The following NFAT5 variants were observed in gnomAD, a reference collection of about 807,000 sequenced individuals.
NFAT5 encodes the protein nuclear factor of activated T-cells 5.
Under a neutral mutation model 166.5 loss-of-function variants are expected in NFAT5, and 31 were observed. That is an observed-to-expected ratio of 0.19 (90% CI 0.14 to 0.25). NFAT5 has a LOEUF of 0.25. Among genes scored for constraint, NFAT5 ranks in the 10% least tolerant of loss-of-function variants. The pLI is 1.00. For missense variants in NFAT5, 1,449 were observed against 1,821.8 expected (o/e 0.80, Z 3.72); for synonymous variants, 612 against 639.7 (o/e 0.96, Z 0.65).
At chr16:69,569,668 C>T (rs113151958) in intron 2 of NFAT5, among the ~76,000 whole-genome samples, 2,786 of 152,240 alleles carry the variant, frequency 0.018, 92 homozygotes, top group African/African-American at 0.06. Flanking sequence ...ATTTAGTGAG[C>T]TAATGTGTAT....
chr16:69,585,695 G>C (rs1297218124), intron 2 of NFAT5, among the ~76,000 whole-genome samples: 1 of 152,156 alleles, frequency 6.6e-6, no homozygotes, highest in African/African-American at 2.4e-5. Flanking sequence ...AATGACCCTT[G>C]AAAACATACG....
chr16:69,696,652 A>G lies in NFAT5; in HGVS notation c.*301A>G, dbSNP rs3826154. 23,407 of 152,622 alleles carry G rather than the reference A, an allele frequency of 0.15. 1,953 individuals are homozygous for G. Among genetic ancestry groups the G allele is most frequent in the East Asian group, 0.36 (1,886 of 5,180 alleles). 9.5% of individuals were successfully genotyped at this position (152,622 alleles called of 1,614,324 possible). ...TCCTAGGCGCAATTTCCTTAAACGTACAGTTTAAATTCAAGGCTGGACCAC... is the reference window on the plus strand; with the variant it reads ...TCCTAGGCGCAATTTCCTTAAACGTGCAGTTTAAATTCAAGGCTGGACCAC... On this transcript the variant is annotated 3_prime_UTR_variant, in exon 15 of 15. Coordinates refer to ENST00000349945, the MANE Select transcript of NFAT5 (RefSeq NM_138713.4).
chr16:69,587,184 T>C (rs892430160), intron 2 of NFAT5, among the ~76,000 whole-genome samples: 2 of 151,240 alleles, frequency 1.3e-5, no homozygotes, highest in African/African-American at 4.9e-5. Context: ...CAGGTTCAAT[T>C]GATTCTTCTG....
At chr16:69,673,712 C>A (rs1240715041) in intron 9 of NFAT5, among the ~76,000 whole-genome samples, 1 of 151,602 alleles carries the variant, frequency 6.6e-6, no homozygotes, top group African/African-American at 2.4e-5. Context: ...GACAGTGAGA[C>A]CCTGTCTCAA....
In NFAT5 at chr16:69,566,272, T is replaced by G; in HGVS notation, c.-30T>G. ...GCCACCGCCGCTCCCCCCCTCCCGC[T>G]GCCCTCGGGCCGGGCTGGGTCGAGC... On this transcript the variant is annotated 5_prime_UTR_variant, in exon 1 of 15. Coordinates refer to ENST00000349945, the MANE Select transcript of NFAT5 (RefSeq NM_138713.4). The surrounding 1 kb of genome is among the most constrained non-coding windows in gnomAD (Gnocchi z 5.7). 1 of 1,586,940 alleles carries G rather than the reference T, an allele frequency of 6.3e-7. No individual in the cohort carries two copies. Among genetic ancestry groups the G allele is most frequent in the Non-Finnish European group, 8.6e-7 (1 of 1,168,862 alleles).
At chr16:69,667,570 T>G (rs2036451260) in intron 7 of NFAT5, among the ~76,000 whole-genome samples, 1 of 151,998 alleles carries the variant, frequency 6.6e-6, no homozygotes, top group Non-Finnish European at 1.5e-5. Context: ...GATAAATATA[T>G]TCTAAACCTT....
chr16:69,645,626 T>A (rs1213822079), intron 3 of NFAT5, among the ~76,000 whole-genome samples: 5 of 152,206 alleles, frequency 3.3e-5, no homozygotes, highest in Non-Finnish European at 7.4e-5. Context: ...CTCTTTATAT[T>A]ATAATTGATG....
In NFAT5 at chr16:69,577,156, A is replaced by G. The variant is rs537870507; in HGVS notation, c.127+8608A>G. ...TGTATCCGTTTTCTCACGGTAGTCT[A>G]TACATTTTGTTGTTCTGCTATGGCA... On this transcript the variant is annotated intron_variant, in intron 2 of 14. Coordinates refer to ENST00000349945, the MANE Select transcript of NFAT5 (RefSeq NM_138713.4). Among the ~76,000 whole-genome samples the G allele has an allele frequency of 1.2e-4, 19 of 152,184 alleles. No homozygotes were observed. In the South Asian group the frequency reaches 3.9e-3, roughly 32 times the overall value.
chr16:69,606,208 A>G (rs2033400088), intron 2 of NFAT5, among the ~76,000 whole-genome samples: 1 of 152,012 alleles, frequency 6.6e-6, no homozygotes, highest in South Asian at 2.1e-4. Context: ...TTCAGGAAAG[A>G]CTCATTTTCC....
intron 2 of NFAT5, among the ~76,000 whole-genome samples, chr16:69,577,779 T>A (rs889264337): frequency 1.3e-5 from 2 of 152,152 alleles, no homozygotes; most frequent in Non-Finnish European, 2.9e-5. Flanking sequence ...TTTCTATACT[T>A]CTATAAAGGA....
At chr16:69,623,985 A>G (rs1010071585) in intron 2 of NFAT5, among the ~76,000 whole-genome samples, 8 of 152,038 alleles carry the variant, frequency 5.3e-5, no homozygotes, top group African/African-American at 1.9e-4. Flanking sequence ...TCTTGACCTC[A>G]GGTGATCCAC....
chr16:69,596,022 TAA>T (rs1278701168), intron 2 of NFAT5, among the ~76,000 whole-genome samples: 3 of 152,206 alleles, frequency 2.0e-5, no homozygotes, highest in Admixed American at 6.5e-5. Context: ...TTAAAATATA[TAA>T]GTTATTTAAA....
At chr16:69,598,881 G>A (rs956565057) in intron 2 of NFAT5, among the ~76,000 whole-genome samples, 2 of 151,938 alleles carry the variant, frequency 1.3e-5, no homozygotes, top group African/African-American at 2.4e-5. Context: ...GGGCGCGATG[G>A]TGCGTGCCTG....
chr16:69,615,439 G>A (rs1010520007), intron 2 of NFAT5, among the ~76,000 whole-genome samples: 2 of 152,000 alleles, frequency 1.3e-5, no homozygotes, highest in Non-Finnish European at 2.9e-5. Flanking sequence ...CTTGTATTTT[G>A]CCTGTCCCAG....
chr16:69,649,473 G>A, intron 4 of NFAT5: 1 of 984,368 alleles, frequency 1.0e-6, no homozygotes, highest in Non-Finnish European at 1.2e-6. Flanking sequence ...GTTACCCAGG[G>A]AAAGTATAAT....
intron 4 of NFAT5, among the ~76,000 whole-genome samples, chr16:69,650,960 A>G (rs1186127906): frequency 6.6e-6 from 1 of 152,240 alleles, no homozygotes; most frequent in East Asian, 1.9e-4. Context: ...AATGATGAAA[A>G]GAAAAACAGG....
chr16:69,571,594 A>G (rs1567508293), intron 2 of NFAT5, among the ~76,000 whole-genome samples: 2 of 152,096 alleles, frequency 1.3e-5, no homozygotes, highest in Non-Finnish European at 2.9e-5. Context: ...CTAGATTTTC[A>G]TCTATAAATA....
intron 3 of NFAT5, among the ~76,000 whole-genome samples, chr16:69,628,621 T>C (rs1031085706): frequency 2.6e-5 from 4 of 152,254 alleles, no homozygotes; most frequent in African/African-American, 9.6e-5. Context: ...ATTAGAATTA[T>C]ATTTTTATTT....
At chr16:69,639,560 A>AT (rs1247698517) in intron 3 of NFAT5, among the ~76,000 whole-genome samples, 3 of 152,046 alleles carry the variant, frequency 2.0e-5, no homozygotes, top group Non-Finnish European at 4.4e-5. Context: ...AGTGCTCATT[A>AT]TTTTTTTTAA....
Sources: gnomAD v4.1 joint callset for allele counts (sites outside exome capture counted in the v4.1 genomes callset) on GRCh38, gnomAD v4.1.1 for gene constraint, Gnocchi (gnomAD v3.1) non-coding constraint, MANE v1.5 for transcripts, NCBI Gene and HGNC (gene_info 2026-07-23, HGNC 2026-07-21) for gene names.